Variants in HAL observed in about 807,000 individuals in gnomAD.
HAL encodes the protein histidase.
A neutral mutation model predicts 81.1 loss-of-function variants in HAL; 85 were observed. That is an observed-to-expected ratio of 1.05 (90% confidence interval 0.88 to 1.25). The LOEUF is 1.25. Ranked by LOEUF, HAL falls within the 50% of genes most tolerant of loss-of-function variation. The probability of loss-of-function intolerance (pLI) is 0.00; values close to 1 mark genes in which losing one functional copy is unlikely to be tolerated. For synonymous variants in HAL, 301 were observed against 309.2 expected, an observed-to-expected ratio of 0.97 and a Z score of 0.28; for missense variants, 798 against 836.6, an observed-to-expected ratio of 0.95 and a Z score of 0.57.
rs1161802432 is a variant in HAL at position 95,980,572 on chromosome 12, G to T, written c.1503C>A (p.Cys501Ter). 1 of 1,613,596 alleles carries T rather than the reference G, an allele frequency of 6.2e-7. No homozygotes were observed. Among genetic ancestry groups the T allele is most frequent in the Non-Finnish European group, 8.5e-7 (1 of 1,179,994 alleles). Residue 501 changes from cysteine (C) to a stop codon, truncating the protein, a stop_gained, in exon 17 of 21, where the codon TGC (cysteine) becomes TGA (stop). Coordinates refer to ENST00000261208, the MANE Select transcript of HAL (RefSeq NM_002108.4). LOFTEE classifies it high-confidence loss of function. The part of the protein sequence containing the change: ...GLNSGFMIAH[C>*]TAAALVSENK... The stretch of plus-strand genomic sequence containing the variant: ...TGTCCTTACCAAGGGCTGCTGCCGT[G>T]CAGTGAGCTATCATGAACCCAGAGT...
Position 95,980,501 on chromosome 12 carries a change from G to A in HAL, c.1519+55C>T, listed in dbSNP as rs200429719. On this transcript the variant is annotated intron_variant, in intron 17 of 20. Transcript: ENST00000261208. ...CACATTTGATACTTCTAGGTGAAAT[G>A]GAAAGACCCTTAGATGGACGGGCGT... 9.8e-5 allele frequency: 152 copies of A among 1,550,798 alleles called. No individual in the cohort carries two copies. In the Middle Eastern group the frequency reaches 2.7e-3, roughly 28 times the overall value.
chr12:95,983,787 A>G (rs1949841662), intron 15 of HAL, 124 bp downstream of exon 15: 1 of 708,868 alleles, frequency 1.4e-6, no homozygotes, highest in East Asian at 2.7e-5. Context: ...TCAGGTACTG[A>G]TTCATTTACT....
chr12:95,993,294 G>A (rs2241136), intron 8 of HAL, among the ~76,000 whole-genome samples, 157 bp downstream of exon 8: 17,854 of 152,178 alleles, frequency 0.12, 1,289 homozygotes, highest in East Asian at 0.33. Flanking sequence ...AGGCTCAGCT[G>A]ATTCTTTCTG....
Position 95,983,942 on chromosome 12 carries a change from G to C in HAL, c.1256C>G (p.Thr419Ser). Reference protein sequence around the residue: ...DTIAFVKNIITTELNSATDNP... With the variant: ...DTIAFVKNIISTELNSATDNP... ...ATCTGTTGCGCTGTTCAGTTCTGTG[G>C]TAATGATGTTCTTCACAAATGCTAT... The change falls in exon 15 of 21, where the codon ACC becomes AGC. Residue 419 changes from threonine (T) to serine (S), a missense_variant. Transcript: ENST00000261208. 2.5e-6 allele frequency: 4 copies of C among 1,582,444 alleles called. No homozygotes were observed. Among genetic ancestry groups the C allele is most frequent in the Non-Finnish European group, 3.5e-6 (4 of 1,152,100 alleles).
At chr12:95,976,165 T>C (rs971955425) in intron 20 of HAL, 1 of 489,338 alleles carries the variant, frequency 2.0e-6, no homozygotes, top group African/African-American at 2.0e-5. Context: ...CTTATTTTTT[T>C]CCCCATGAAT....
chr12:95,980,759 A>C (rs753029011), intron 16 of HAL, 38 bp from the exon 17 acceptor site: 126 of 1,606,142 alleles, frequency 7.8e-5, no homozygotes, highest in Non-Finnish European at 1.1e-4. Context: ...CTATATTGAA[A>C]TGTGCCTTCT....
In HAL at chr12:95,987,589, T is replaced by A. The variant is rs548467915; in HGVS notation, c.904-375A>T. On this transcript the variant is annotated intron_variant, in intron 11 of 20. Transcript: ENST00000261208. ...AAAAAACCCAATTCTGGTCCAAGAC[T>A]CTTAGCTTAGAGCATTCTAAGGAAT... is the stretch of plus-strand genomic sequence containing the variant. 2.6e-5 allele frequency among the ~76,000 whole-genome samples: 4 copies of A among 152,324 alleles called. No individual in the cohort carries two copies. The East Asian group carries it at 7.7e-4, about 29-fold the overall frequency.
rs1428445811 is a variant in HAL, at chr12:95,994,145, T to C, written c.356A>G (p.Asp119Gly). Residue 119 changes from aspartate to glycine, a missense_variant, in exon 5 of 21, where the codon GAC becomes GGC. Transcript: ENST00000261208. ...EPEKYIELDG[D>G]RLTTEDLVNL... ...GACCAGATCCTCCGTGGTCAGACGG[T>C]CTCCATCTAACTCGATGTACTACAC... 1 of 1,612,684 alleles carries C rather than the reference T, an allele frequency of 6.2e-7. No individual in the cohort carries two copies. Among genetic ancestry groups the C allele is most frequent in the Non-Finnish European group, 8.5e-7 (1 of 1,178,654 alleles).
chr12:95,995,818 G>A lies in HAL; in HGVS notation c.93C>T (p.Ala31=), dbSNP rs762408822. ...QLTVGWLGRE[A]VRRYIKNKPD... ...GCTTATTCTTGATATAGCGCCTCAC[G>A]GCCTCCCGGCCCAGCCAGCCCACAG... Residue 31 remains alanine, a synonymous_variant, in exon 2 of 21, where the codon GCC becomes GCT. Transcript: ENST00000261208. 28 of 1,612,200 alleles carry A rather than the reference G, an allele frequency of 1.7e-5. No homozygotes were observed. Among genetic ancestry groups the A allele is most frequent in the Middle Eastern group, 1.6e-4 (1 of 6,084 alleles).
chr12:95,991,058 C>T (rs573541463), intron 9 of HAL, among the ~76,000 whole-genome samples: 2 of 152,186 alleles, frequency 1.3e-5, no homozygotes, highest in South Asian at 2.1e-4. Flanking sequence ...TGCAGTGAGC[C>T]GAGATTGTGC....
Position 95,980,559 on chromosome 12 carries a change from G to T in HAL, c.1516C>A (p.Leu506Ile). 1 of 1,613,194 alleles carries T rather than the reference G, an allele frequency of 6.2e-7. No homozygotes were observed. Reference sequence around the variant, plus strand: ...GGGAAAGGGGCAGTGTCCTTACCAAGGGCTGCTGCCGTGCAGTGAGCTATC... The same window carrying T: ...GGGAAAGGGGCAGTGTCCTTACCAATGGCTGCTGCCGTGCAGTGAGCTATC... ...FMIAHCTAAALVSENKALCHP... is the reference protein window; with the variant it reads ...FMIAHCTAAAIVSENKALCHP... Residue 506 changes from leucine to isoleucine, a missense_variant, in exon 17 of 21, where the codon CTT becomes ATT. Physicochemically the swap from Leu to Ile is conservative, Grantham distance 5. Transcript: ENST00000261208.
chr12:95,983,640 G>A, intron 15 of HAL: 1 of 500,452 alleles, frequency 2.0e-6, no homozygotes, highest in Non-Finnish European at 3.6e-6. Context: ...AGCCAATGCT[G>A]GAAATATCTT....
chr12:95,992,649 A>C, intron 9 of HAL, 31 bp downstream of exon 9: 1 of 1,598,254 alleles, frequency 6.3e-7, no homozygotes, highest in Non-Finnish European at 8.6e-7. Context: ...CAGCCTCCAC[A>C]GAGGTTCCGT....
rs2136830601 is a variant in HAL at position 95,994,920 on chromosome 12, T to G, written c.308+13A>C. 1 of 1,610,210 alleles carries G rather than the reference T, an allele frequency of 6.2e-7. No individual in the cohort carries two copies. Among genetic ancestry groups the G allele is most frequent in the East Asian group, 2.2e-5 (1 of 44,856 alleles). ...CCCCCAGAGCAGACCAAAGAGCCTG[T>G]GGGAAAGGATACAGATAAACTCCTT... On this transcript the variant is annotated intron_variant, in intron 3 of 20. Coordinates refer to ENST00000261208, the MANE Select transcript of HAL (RefSeq NM_002108.4).
At chr12:95,988,458 G>A (rs1344935093) in intron 10 of HAL, among the ~76,000 whole-genome samples, 6 of 152,148 alleles carry the variant, frequency 3.9e-5, no homozygotes, top group Non-Finnish European at 5.9e-5. Flanking sequence ...TTTTTGTACT[G>A]AAATCAGGGG....
At chr12:95,983,257 A>T (rs369648527) in intron 15 of HAL, among the ~76,000 whole-genome samples, 7 of 152,216 alleles carry the variant, frequency 4.6e-5, no homozygotes, top group Non-Finnish European at 7.4e-5. Flanking sequence ...GCCTGCTGGC[A>T]CATGCCTGTA....
intron 18 of HAL, 42 bp from the exon 19 acceptor site, chr12:95,976,748 A>T (rs770329185): frequency 8.0e-7 from 1 of 1,252,886 alleles, no homozygotes; most frequent in Non-Finnish European, 1.2e-6. Context: ...TGAAAGTCTG[A>T]CTTCATGCTT....
rs1565982528 is a variant in HAL, at chr12:95,973,187, A to G, written c.*1045T>C. On this transcript the variant is annotated 3_prime_UTR_variant, in exon 21 of 21. Coordinates refer to ENST00000261208, the MANE Select transcript of HAL (RefSeq NM_002108.4). ...ACCACTTGAAGGGCCTTGCACATAT[A>G]TGCACACACTGGTGCAAAGTCACAG... is the stretch of plus-strand genomic sequence containing the variant. The G allele has an allele frequency of 6.6e-6, 1 of 152,162 alleles. No individual in the cohort carries two copies. Among genetic ancestry groups the G allele is most frequent in the Non-Finnish European group, 1.5e-5 (1 of 68,052 alleles). 9.4% of individuals were successfully genotyped at this position (152,162 alleles called of 1,614,324 possible).
intron 4 of HAL, among the ~76,000 whole-genome samples, chr12:95,994,537 A>G (rs1281190404): frequency 1.3e-5 from 2 of 152,088 alleles, no homozygotes. Context: ...TTACAGGTGC[A>G]CGCCACCATA....
Sources: allele counts gnomAD v4.1 joint callset (sites outside exome capture counted in the v4.1 genomes callset), GRCh38; gene constraint gnomAD v4.1.1; transcripts MANE v1.5; gene names NCBI Gene and HGNC (gene_info 2026-07-23, HGNC 2026-07-21).